The following CCT8 variants were observed in gnomAD, a reference collection of about 807,000 sequenced individuals.
The protein encoded by CCT8 is T-complex protein 1 subunit theta.
Under a neutral mutation model 65.7 loss-of-function variants are expected in CCT8, and 10 were observed. That is an observed-to-expected ratio of 0.15 (90% CI 0.09 to 0.26). CCT8 has a LOEUF of 0.26. CCT8 is among the 10% of genes least tolerant of loss of function. CCT8 has a pLI of 1.00. For missense variants in CCT8, 568 were observed against 669.1 expected (o/e 0.85, Z 1.67); for synonymous variants, 199 against 221.8 (o/e 0.90, Z 0.92).
At position 29,061,544 on chromosome 21, in the gene CCT8, A is replaced by G. The variant is rs1337167703; in HGVS notation, c.1236T>C (p.Gly412=). 1 of 1,613,788 alleles carries G rather than the reference A, an allele frequency of 6.2e-7. No individual in the cohort carries two copies. Among genetic ancestry groups the G allele is most frequent in the Non-Finnish European group, 8.5e-7 (1 of 1,179,898 alleles). Residue 412 remains glycine (G), a synonymous_variant, in exon 12 of 15, where the codon GGT becomes GGC. Transcript: ENST00000286788. ...TGGCTAATTCAATTTCTGTTGCTCC[A>G]CCTCCGGGTACAAGACGTTTATCCT... ...LTRDKRLVPG[G]GATEIELAKQ... is the part of the protein sequence containing the mutation.
intron 8 of CCT8, 68 bp downstream of exon 8, chr21:29,063,284 G>T: frequency 8.3e-7 from 1 of 1,202,932 alleles, no homozygotes; most frequent in Non-Finnish European, 1.2e-6. Flanking sequence ...GGTCTATTTC[G>T]TTTAGTGTTT....
At chr21:29,057,507 T>C (rs1396398918) in intron 14 of CCT8, among the ~76,000 whole-genome samples, 2 of 151,536 alleles carry the variant, frequency 1.3e-5, no homozygotes, top group African/African-American at 2.4e-5. Context: ...AACTGGGCAG[T>C]GGCTCATGCC....
Position 29,061,545 on chromosome 21 carries a change from C to T in CCT8, c.1235G>A (p.Gly412Asp). 6.2e-7 allele frequency: 1 copy of T among 1,613,970 alleles called. No individual in the cohort carries two copies. The highest frequency in any genetic ancestry group is 8.5e-7 in the Non-Finnish European group (1 of 1,179,896). ...GGCTAATTCAATTTCTGTTGCTCCA[C>T]CTCCGGGTACAAGACGTTTATCCTG... is the stretch of plus-strand genomic sequence containing the variant. ...LTRDKRLVPG[G>D]GATEIELAKQ... Residue 412 changes from glycine (G) to aspartate (D), a missense_variant, in exon 12 of 15, where the codon GGT becomes GAT. Transcript: ENST00000286788.
Position 29,065,121 on chromosome 21 carries a change from C to T in CCT8, c.625-16G>A, listed in dbSNP as rs745410286. The stretch of plus-strand genomic sequence containing the variant: ...TACCAGAGCCCTAAGGAATTGAATA[C>T]CAAACTCATCAGCAATCTCCTGAAA... On this transcript the variant is annotated splice_polypyrimidine_tract_variant and intron_variant, in intron 6 of 14. Coordinates refer to ENST00000286788, the MANE Select transcript of CCT8 (RefSeq NM_006585.4). 3.1e-6 allele frequency: 5 copies of T among 1,611,634 alleles called. No individual in the cohort carries two copies. In the Admixed American group the frequency reaches 8.4e-5, roughly 27 times the overall value.
At chr21:29,062,687 C>T in intron 8 of CCT8, 131 bp from the exon 9 acceptor site, 2 of 723,358 alleles carry the variant, frequency 2.8e-6, no homozygotes, top group South Asian at 3.6e-5. Flanking sequence ...TAACTCAGAA[C>T]ATGTCTGGAT....
At chr21:29,070,423 T>A in intron 1 of CCT8, 86 bp from the exon 2 acceptor site, 1 of 738,578 alleles carries the variant, frequency 1.4e-6, no homozygotes, top group Non-Finnish European at 2.2e-6. Flanking sequence ...TTTGCTTATA[T>A]CTTGCCTCTA....
chr21:29,073,236 T>G, intron 1 of CCT8: 9 of 1,285,640 alleles, frequency 7.0e-6, no homozygotes, highest in East Asian at 3.4e-5. Flanking sequence ...CTTAGCCCCA[T>G]TTACGGATGG....
intron 1 of CCT8, chr21:29,073,137 C>G (rs2146447491): frequency 2.6e-6 from 1 of 387,240 alleles, no homozygotes; most frequent in African/African-American, 2.2e-5. Flanking sequence ...AACTCGCGAG[C>G]TATGTGATAA....
At chr21:29,065,489 G>C (rs2085611881) in intron 6 of CCT8, among the ~76,000 whole-genome samples, 1 of 152,198 alleles carries the variant, frequency 6.6e-6, no homozygotes, top group South Asian at 2.1e-4. Flanking sequence ...GGGAAAAGCT[G>C]GCAGTACGTG....
chr21:29,065,928 C>A (rs925380578), intron 6 of CCT8, among the ~76,000 whole-genome samples: 5 of 151,558 alleles, frequency 3.3e-5, no homozygotes, highest in Admixed American at 2.0e-4. Flanking sequence ...TAAAAAAATA[C>A]AAAAATTAGC....
chr21:29,061,227 TTTAAG>T (rs2085559404), intron 13 of CCT8, 21 bp downstream of exon 13: 2 of 1,573,846 alleles, frequency 1.3e-6, no homozygotes, highest in Middle Eastern at 3.4e-4. Flanking sequence ...AATAAAGCAA[TTTAAG>T]TTCAGTGTTT....
chr21:29,071,488 C>T (rs2853835), intron 1 of CCT8, among the ~76,000 whole-genome samples: 87,545 of 151,208 alleles, frequency 0.58, 28,280 homozygotes, highest in South Asian at 0.76. Flanking sequence ...CTGGGCCTCC[C>T]GGGTTCAAGC....
Position 29,061,378 on chromosome 21 carries a change from C to T in CCT8, c.1324G>A (p.Ala442Thr). Residue 442 changes from alanine to threonine, a missense_variant, in exon 13 of 15, where the codon GCT becomes ACT. Coordinates refer to ENST00000286788, the MANE Select transcript of CCT8 (RefSeq NM_006585.4). ...GLEQYAIKKF[A>T]EAFEAIPRAL... ...CGGGGAATAGCTTCAAATGCCTCAGCAAACTTCTTAATAGCATACTGTTCA... is the reference window on the plus strand; with the variant it reads ...CGGGGAATAGCTTCAAATGCCTCAGTAAACTTCTTAATAGCATACTGTTCA... The T allele has an allele frequency of 6.2e-7, 1 of 1,613,982 alleles. No homozygotes were observed. Among genetic ancestry groups the T allele is most frequent in the Non-Finnish European group, 8.5e-7 (1 of 1,179,942 alleles).
intron 14 of CCT8, among the ~76,000 whole-genome samples, chr21:29,058,670 C>T (rs1227178536): frequency 6.7e-6 from 1 of 150,286 alleles, no homozygotes; most frequent in Non-Finnish European, 1.5e-5. Flanking sequence ...CTACTCACTG[C>T]AGGCTCCACC....
chr21:29,059,265 T>G, intron 14 of CCT8, among the ~76,000 whole-genome samples: 1 of 152,380 alleles, frequency 6.6e-6, no homozygotes, highest in East Asian at 1.9e-4. Context: ...TTCATTATAC[T>G]ATACACTATA....
chr21:29,067,118 T>G (rs952505745), intron 4 of CCT8, 47 bp from the exon 5 acceptor site: 4 of 1,437,302 alleles, frequency 2.8e-6, no homozygotes, highest in Non-Finnish European at 3.8e-6. Context: ...TTAAAGTAGC[T>G]TATTTTGGTA....
chr21:29,068,130 G>T (rs1601095128), intron 3 of CCT8, among the ~76,000 whole-genome samples: 1 of 152,016 alleles, frequency 6.6e-6, no homozygotes, highest in Admixed American at 6.6e-5. Context: ...TGTTGTAAGG[G>T]TTATCATTTG....
chr21:29,062,524 C>T lies in CCT8; in HGVS notation c.974G>A (p.Cys325Tyr), dbSNP rs1205397469. 1.2e-6 allele frequency: 2 copies of T among 1,613,958 alleles called. No individual in the cohort carries two copies. The highest frequency in any genetic ancestry group is 1.7e-6 in the Non-Finnish European group (2 of 1,179,908). Reference sequence around the variant, plus strand: ...AAGAGCTGTAGCACCAACAGTTTTACAAAGTCTTCGGAGATCCCATTTTGA... The same window carrying T: ...AAGAGCTGTAGCACCAACAGTTTTATAAAGTCTTCGGAGATCCCATTTTGA... ...LNSKWDLRRL[C>Y]KTVGATALPR... Residue 325 changes from cysteine to tyrosine, a missense_variant, in exon 9 of 15, where the codon TGT becomes TAT. Physicochemically the swap from Cys to Tyr is radical, Grantham distance 194 (BLOSUM62 -2). Transcript: ENST00000286788.
At chr21:29,069,823 T>A (rs753426710) in intron 2 of CCT8, among the ~76,000 whole-genome samples, 1 of 152,218 alleles carries the variant, frequency 6.6e-6, no homozygotes, top group Non-Finnish European at 1.5e-5. Flanking sequence ...GAAATTAACA[T>A]GTAAAAAGGC....
Sources: gnomAD v4.1 joint callset for allele counts (sites outside exome capture counted in the v4.1 genomes callset) on GRCh38, gnomAD v4.1.1 for gene constraint, MANE v1.5 for transcripts, NCBI Gene and HGNC (gene_info 2026-07-23, HGNC 2026-07-21) for gene names.